The following PRDM1 variants were observed in gnomAD, a reference collection of about 807,000 sequenced individuals.
PRDM1 encodes PR/SET domain 1.
PRDM1 carries 13 observed loss-of-function variants against 62.8 expected under a neutral mutation model. The ratio of observed to expected loss-of-function variants is 0.21; its 90% CI spans 0.13 to 0.33. The LOEUF is 0.33. Ranked by LOEUF, PRDM1 falls within the 10% of genes least tolerant of loss-of-function variation. PRDM1 has a pLI of 1.00. For missense variants in PRDM1, 895 were observed against 1,058.8 expected (o/e 0.85, Z 2.15); for synonymous variants, 396 against 417.6 (o/e 0.95, Z 0.63).
intron 1 of PRDM1, among the ~76,000 whole-genome samples, chr6:106,041,716 C>A (rs4946718): frequency 1.1e-4 from 17 of 152,074 alleles, no homozygotes; most frequent in African/African-American, 3.9e-4. Context: ...TTAAAAGTTA[C>A]GTAAAAAATA....
chr6:106,034,639 T>C (rs77394892), intron 1 of PRDM1, among the ~76,000 whole-genome samples: 2 of 128,636 alleles, frequency 1.6e-5, no homozygotes, highest in African/African-American at 3.5e-5. Context: ...CTCTCTCTTT[T>C]TTTTTTTTTT....
intron 2 of PRDM1, among the ~76,000 whole-genome samples, chr6:106,095,041 A>G (rs1462601033): frequency 6.7e-6 from 1 of 148,194 alleles, no homozygotes; most frequent in Non-Finnish European, 1.5e-5. Context: ...TGTACAAGCT[A>G]TGAAAAAAAA....
At chr6:106,051,721 G>A (rs1383048050) in intron 1 of PRDM1, among the ~76,000 whole-genome samples, 1 of 152,110 alleles carries the variant, frequency 6.6e-6, no homozygotes, top group Non-Finnish European at 1.5e-5. Flanking sequence ...CCTTGAAGGG[G>A]GAAATGATGC....
intron 1 of PRDM1, among the ~76,000 whole-genome samples, chr6:106,000,559 G>T (rs1772414645): frequency 1.3e-5 from 2 of 151,830 alleles, no homozygotes; most frequent in East Asian, 1.9e-4. Flanking sequence ...CCTCACCAAG[G>T]TTATTTCCAT....
intron 1 of PRDM1, among the ~76,000 whole-genome samples, chr6:106,016,006 T>C (rs6923703): frequency 0.58 from 87,619 of 152,038 alleles, 25,903 homozygotes; most frequent in East Asian, 0.81. Context: ...CCTCAGCCCC[T>C]GGCAACTTCT....
upstream of PRDM1, among the ~76,000 whole-genome samples, chr6:106,045,169 A>G (rs1350917040): frequency 1.3e-5 from 2 of 152,224 alleles, no homozygotes; most frequent in Non-Finnish European, 2.9e-5. Flanking sequence ...TTCAGGAACT[A>G]TCCCAATAAA....
At position 106,107,152 on chromosome 6, in the gene PRDM1, C is replaced by T. The variant is rs775380311; in HGVS notation, c.2144C>T (p.Ala715Val). 9 of 1,614,208 alleles carry T rather than the reference C, an allele frequency of 5.6e-6. No individual in the cohort carries two copies. In the South Asian group the frequency reaches 7.7e-5, roughly 14 times the overall value. The change falls in exon 7 of 7, where the codon GCG (alanine) becomes GTG (valine). Residue 715 changes from alanine to valine, a missense_variant. Physicochemically the swap from Ala to Val is moderately conservative, Grantham distance 64. Transcript: ENST00000369096. ...AAAGGGAACTGCGCTGCGGCCCCGG[C>T]GCCTGGGCTGCCCTTGGAAGATCTG... ...HLKGNCAAAP[A>V]PGLPLEDLTR...
upstream of PRDM1, among the ~76,000 whole-genome samples, chr6:106,083,757 C>A (rs1166284544): frequency 6.6e-6 from 1 of 152,208 alleles, no homozygotes; most frequent in Non-Finnish European, 1.5e-5. Flanking sequence ...GGTGTTCTAA[C>A]TTGGGGGGAA....
At chr6:106,047,465 A>G (rs767633298), upstream of PRDM1, among the ~76,000 whole-genome samples, 2 of 152,226 alleles carry the variant, frequency 1.3e-5, no homozygotes, top group Non-Finnish European at 2.9e-5. Flanking sequence ...CTGTAAGTTG[A>G]GAATTGCATA....
intron 1 of PRDM1, among the ~76,000 whole-genome samples, chr6:106,039,553 T>TA (rs1320628752): frequency 1.3e-5 from 2 of 152,242 alleles, no homozygotes; most frequent in Non-Finnish European, 2.9e-5. Flanking sequence ...TCTATATTCC[T>TA]AAACCCACTC....
intron 2 of PRDM1, among the ~76,000 whole-genome samples, chr6:106,095,307 T>C (rs540776140): frequency 2.2e-4 from 33 of 152,310 alleles, no homozygotes; most frequent in African/African-American, 7.9e-4. Context: ...TAAAAGAGAA[T>C]GGTTATATTC....
intron 2 of PRDM1, among the ~76,000 whole-genome samples, chr6:106,093,811 G>A (rs1231333333): frequency 6.6e-6 from 1 of 152,178 alleles, no homozygotes; most frequent in African/African-American, 2.4e-5. Flanking sequence ...AGGATGAAAT[G>A]AACATCTGCT....
chr6:106,045,249 T>C (rs1773056057), upstream of PRDM1, among the ~76,000 whole-genome samples: 1 of 152,154 alleles, frequency 6.6e-6, no homozygotes, highest in South Asian at 2.1e-4. Context: ...GAAGTGGCTA[T>C]TGCACAAGTC....
chr6:106,094,415 G>A (rs939499355), intron 2 of PRDM1, among the ~76,000 whole-genome samples: 9 of 152,136 alleles, frequency 5.9e-5, no homozygotes, highest in African/African-American at 9.7e-5. Flanking sequence ...GAATAGTGAC[G>A]AATTGCTTCC....
intron 1 of PRDM1, among the ~76,000 whole-genome samples, chr6:106,074,321 A>ATTG (rs1324568257): frequency 6.6e-6 from 1 of 152,158 alleles, no homozygotes; most frequent in Non-Finnish European, 1.5e-5. Flanking sequence ...GTCTCTAGGG[A>ATTG]TTGTAATTTC....
chr6:106,073,937 A>G (rs1387597386), intron 1 of PRDM1, among the ~76,000 whole-genome samples: 1 of 152,186 alleles, frequency 6.6e-6, no homozygotes, highest in Non-Finnish European at 1.5e-5. Context: ...CATGATCCAC[A>G]TGAGTGGAGA....
chr6:106,075,754 G>T (rs988220161), intron 1 of PRDM1, among the ~76,000 whole-genome samples: 2 of 152,026 alleles, frequency 1.3e-5, no homozygotes, highest in Non-Finnish European at 2.9e-5. Context: ...CTGGGGTCTT[G>T]CTATGTTCCT....
intron 1 of PRDM1, among the ~76,000 whole-genome samples, chr6:106,028,918 CTTTT>C (rs756143283): frequency 2.4e-5 from 3 of 124,296 alleles, no homozygotes; most frequent in South Asian, 2.6e-4. Context: ...TTCTTTCCTT[CTTTT>C]TTTTTTTTTT....
chr6:106,007,346 C>T (rs1772495717), intron 1 of PRDM1, among the ~76,000 whole-genome samples: 1 of 151,920 alleles, frequency 6.6e-6, no homozygotes, highest in Admixed American at 6.6e-5. Flanking sequence ...AGGAGAATTG[C>T]TTGAACCTGG....
Sources: gnomAD v4.1 joint callset for allele counts (sites outside exome capture counted in the v4.1 genomes callset) on GRCh38, gnomAD v4.1.1 for gene constraint, MANE v1.5 for transcripts, NCBI Gene and HGNC (gene_info 2026-07-23, HGNC 2026-07-21) for gene names.